Variants in PLCZ1 observed in about 807,000 individuals in gnomAD.
PLCZ1 encodes the protein 1-phosphatidylinositol 4,5-bisphosphate phosphodiesterase zeta-1.
Under a neutral mutation model 76.8 loss-of-function variants are expected in PLCZ1, and 64 were observed. The ratio of observed to expected loss-of-function variants is 0.83; its 90% confidence interval spans 0.68 to 1.03. The LOEUF is 1.03. Ranked by LOEUF, PLCZ1 falls within the 50% of genes least tolerant of loss-of-function variation. PLCZ1 has a pLI of 0.00. For missense variants in PLCZ1, 751 were observed against 713.7 expected, an observed-to-expected ratio of 1.05 and a Z score of -0.60; for synonymous variants, 248 against 230.8, an observed-to-expected ratio of 1.07 and a Z score of -0.68.
chr12:18,735,391 C>T (rs1004284955), intron 3 of PLCZ1, among the ~76,000 whole-genome samples: 8 of 152,046 alleles, frequency 5.3e-5, no homozygotes, highest in African/African-American at 1.2e-4. Context: ...GGCTTTTCTT[C>T]GTTGGGCAGT....
downstream of PLCZ1, chr12:18,683,102 T>C (rs1056410235): frequency 1.3e-6 from 1 of 772,914 alleles, no homozygotes; most frequent in Non-Finnish European, 2.1e-6. Context: ...TTGTATATTT[T>C]TAAGTGAATG....
At chr12:18,711,077 A>G (rs531857766) in intron 6 of PLCZ1, among the ~76,000 whole-genome samples, 2 of 152,222 alleles carry the variant, frequency 1.3e-5, no homozygotes, top group East Asian at 1.9e-4. Context: ...ATAAAGACAT[A>G]TGCACATATA....
chr12:18,688,198 C>T lies in PLCZ1; in HGVS notation c.1482G>A (p.Leu494=), dbSNP rs752418470. Residue 494 remains leucine, a synonymous_variant, in exon 13 of 15, where the codon TTG becomes TTA. Transcript: ENST00000266505. ...LTIRLISGIQ[L]PLTHSSSNKG... is the part of the protein sequence containing the mutation. ...TGTTAGATGATGAATGAGTAAGAGG[C>T]AACTGGATACCACTGATGAGCTGCA... 1 of 1,609,670 alleles carries T rather than the reference C, an allele frequency of 6.2e-7. No homozygotes were observed. The highest frequency in any genetic ancestry group is 1.1e-5 in the South Asian group (1 of 91,004).
chr12:18,709,912 T>A (rs923927711), intron 6 of PLCZ1, among the ~76,000 whole-genome samples: 1 of 152,080 alleles, frequency 6.6e-6, no homozygotes, highest in Non-Finnish European at 1.5e-5. Context: ...ATGTCATTTT[T>A]ATACTATTGT....
intron 12 of PLCZ1, chr12:18,693,781 A>T: frequency 6.6e-7 from 1 of 1,513,388 alleles, no homozygotes; most frequent in Non-Finnish European, 9.2e-7. Flanking sequence ...ACCAAATAGA[A>T]ACTTTGGATC....
intron 5 of PLCZ1, 43 bp from the exon 6 acceptor site, chr12:18,713,029 TA>T: frequency 6.2e-7 from 1 of 1,605,802 alleles, no homozygotes; most frequent in Non-Finnish European, 8.5e-7. Context: ...CCTGGACCAT[TA>T]AAAATATATA....
chr12:18,729,571 T>A (rs1474376591), intron 3 of PLCZ1, among the ~76,000 whole-genome samples: 3 of 152,070 alleles, frequency 2.0e-5, no homozygotes, highest in African/African-American at 7.2e-5. Context: ...GCAAATCCAA[T>A]TTAAAAAATC....
At chr12:18,650,664 A>ATGTGTGTG in the PLCZ1 span, among the ~76,000 whole-genome samples, 2 of 35,608 alleles carry the variant, frequency 5.6e-5, no homozygotes, top group African/African-American at 9.9e-5. Flanking sequence ...TGGAATATAA[A>ATGTGTGTG]TGTGTGTGTG....
intron 12 of PLCZ1, among the ~76,000 whole-genome samples, chr12:18,694,611 T>C (rs1402180734): frequency 6.6e-6 from 1 of 152,160 alleles, no homozygotes; most frequent in African/African-American, 2.4e-5. Flanking sequence ...AACTGAGACC[T>C]GTATCTCACA....
the PLCZ1 span, among the ~76,000 whole-genome samples, chr12:18,667,424 G>A: frequency 1.3e-5 from 2 of 152,068 alleles, no homozygotes; most frequent in African/African-American, 4.8e-5. Context: ...TCTCATTCAG[G>A]TCTCCAGAGT....
At chr12:18,728,294 T>C (rs1958865240) in intron 3 of PLCZ1, among the ~76,000 whole-genome samples, 1 of 152,148 alleles carries the variant, frequency 6.6e-6, no homozygotes, top group Non-Finnish European at 1.5e-5. Flanking sequence ...TCAATATCCT[T>C]ATGTATAAAA....
intron 10 of PLCZ1, among the ~76,000 whole-genome samples, chr12:18,698,051 T>G (rs952327457): frequency 1.3e-5 from 2 of 151,918 alleles, no homozygotes; most frequent in African/African-American, 4.8e-5. Context: ...CTACAGGTCC[T>G]GTCCTCATGA....
intron 5 of PLCZ1, among the ~76,000 whole-genome samples, chr12:18,719,208 T>C (rs1450552736): frequency 6.6e-6 from 1 of 152,160 alleles, no homozygotes; most frequent in Non-Finnish European, 1.5e-5. Context: ...CAGGTGGGAT[T>C]AGAAGGAAAG....
At position 18,700,689 on chromosome 12, in the gene PLCZ1, T is replaced by C. The variant is rs370339573; in HGVS notation, c.1018-739A>G. On this transcript the variant is annotated intron_variant, in intron 9 of 14. Transcript: ENST00000266505. ...TCTGCTGACTTTATGTGAGACACTATATCAAGTCATTTTTTAAACTAAAAT... is the reference window on the plus strand; with the variant it reads ...TCTGCTGACTTTATGTGAGACACTACATCAAGTCATTTTTTAAACTAAAAT... Among the ~76,000 whole-genome samples, 187 of 152,232 alleles carry C rather than the reference T, an allele frequency of 1.2e-3. 1 individual carries two copies. The highest frequency in any genetic ancestry group is 4.3e-3 in the African/African-American group (178 of 41,548).
downstream of PLCZ1, among the ~76,000 whole-genome samples, chr12:18,680,783 C>T (rs1952336967): frequency 6.6e-6 from 1 of 151,972 alleles, no homozygotes; most frequent in Non-Finnish European, 1.5e-5. Context: ...AAAGGACTCA[C>T]TATTGGATTT....
the PLCZ1 span, among the ~76,000 whole-genome samples, chr12:18,657,648 G>A: frequency 5.9e-5 from 9 of 152,116 alleles, no homozygotes; most frequent in African/African-American, 2.2e-4. Context: ...TAAAAAATCA[G>A]TTCAGAGAAG....
intron 3 of PLCZ1, among the ~76,000 whole-genome samples, chr12:18,735,046 G>A (rs188281723): frequency 2.6e-5 from 4 of 152,134 alleles, no homozygotes; most frequent in East Asian, 1.9e-4. Flanking sequence ...TTAATGTGGT[G>A]TATCACATTG....
chr12:18,695,409 AT>A (rs1294215903), intron 11 of PLCZ1, among the ~76,000 whole-genome samples: 3 of 152,206 alleles, frequency 2.0e-5, no homozygotes, highest in African/African-American at 7.2e-5. Flanking sequence ...GTATCAGTGC[AT>A]TGAATGCAAG....
At chr12:18,677,544 C>T in the PLCZ1 span, among the ~76,000 whole-genome samples, 2 of 151,902 alleles carry the variant, frequency 1.3e-5, no homozygotes, top group Admixed American at 6.6e-5. Flanking sequence ...TAAAATGTCC[C>T]CTATGCTGTT....
Sources: allele counts gnomAD v4.1 joint callset (sites outside exome capture counted in the v4.1 genomes callset), GRCh38; gene constraint gnomAD v4.1.1; transcripts MANE v1.5; gene names NCBI Gene and HGNC (gene_info 2026-07-23, HGNC 2026-07-21).